The following HDAC6 variants were observed in gnomAD, a reference collection of about 807,000 sequenced individuals.
The protein encoded by HDAC6 is histone deacetylase 6.
HDAC6 carries 5 observed loss-of-function variants against 88.9 expected under a neutral mutation model. The observed-to-expected ratio is 0.06, with a 90% confidence interval of 0.03 to 0.12. HDAC6 has a LOEUF of 0.12. HDAC6 is among the 10% of genes least tolerant of loss of function. The pLI, the probability that HDAC6 is intolerant of heterozygous loss-of-function variation, is 1.00. For synonymous variants in HDAC6, 378 were observed against 398.0 expected (o/e 0.95, Z 0.60); for missense variants, 706 against 1,014.4 (o/e 0.70, Z 4.13).
intron 8 of HDAC6, among the ~76,000 whole-genome samples, chrX:48,807,322 C>T (rs1186636906): frequency 8.9e-6 from 1 of 112,014 alleles, no homozygotes; most frequent in Non-Finnish European, 1.9e-5. Flanking sequence ...TGGTTCTCCC[C>T]AGTCATTTGC....
At chrX:48,812,935 T>A (rs1339563578) in intron 10 of HDAC6, among the ~76,000 whole-genome samples, 1 of 110,525 alleles carries the variant, frequency 9.0e-6, no homozygotes, top group Non-Finnish European at 1.9e-5. Flanking sequence ...TGAGACAGAG[T>A]CATGCTCTGT....
Position 48,802,075 on chromosome X carries a change from G to T in HDAC6, c.-98G>T. ...GGGCAGGGGGTGGAGCTGGTTGAAG[G>T]AACGGGGCAGTCCCCTGAGGAGCGG... On this transcript the variant is annotated 5_prime_UTR_variant, in exon 1 of 29. Transcript: ENST00000334136. 4.4e-6 allele frequency: 4 copies of T among 904,666 alleles called. No individual in the cohort carries two copies. The highest frequency in any genetic ancestry group is 1.4e-6 in the Non-Finnish European group (1 of 723,702). 74.6% of individuals were successfully genotyped at this position (904,666 alleles called of 1,213,427 possible). A position where few individuals can be genotyped will look rare whatever the true frequency, so the allele number is the denominator to read the frequency against.
intron 4 of HDAC6, 47 bp from the exon 5 acceptor site, chrX:48,805,391 C>G: frequency 3.1e-6 from 3 of 961,472 alleles, no homozygotes; most frequent in Non-Finnish European, 4.4e-6. Flanking sequence ...AGATGTGGAG[C>G]TCCCCAGTGT....
chrX:48,817,125 G>T lies in HDAC6; in HGVS notation c.1792-201G>T, dbSNP rs781980272. 115 of 349,486 alleles carry T rather than the reference G, an allele frequency of 3.3e-4. 1 individual carries two copies. Among genetic ancestry groups the T allele is most frequent in the African/African-American group, 2.7e-3 (100 of 37,432 alleles). The allele number at this position is 349,486 out of a possible 1,213,427, so 28.8% of individuals were successfully genotyped here. A position where few individuals can be genotyped will look rare whatever the true frequency, so the allele number is the denominator to read the frequency against. On this transcript the variant is annotated intron_variant, in intron 19 of 28. Coordinates refer to ENST00000334136, the MANE Select transcript of HDAC6 (RefSeq NM_006044.4). The stretch of plus-strand genomic sequence containing the variant: ...AAATTAGCCGGGCGTGGCAGCAAGC[G>T]CCTGTAGTCCTAGCTACTCAGGAGG...
intron 20 of HDAC6, 81 bp downstream of exon 20, chrX:48,817,540 C>G: frequency 1.1e-6 from 1 of 951,557 alleles, no homozygotes; most frequent in Non-Finnish European, 1.4e-6. Context: ...TTTACTCATG[C>G]CCCATGGTCC....
chrX:48,821,491 C>CTTTTTTTT (rs869154128), intron 23 of HDAC6, among the ~76,000 whole-genome samples: 1 of 77,514 alleles, frequency 1.3e-5, no homozygotes, highest in African/African-American at 4.8e-5. Flanking sequence ...ATACCTGCCT[C>CTTTTTTTT]TTTTTTTTTT....
At chrX:48,810,622 T>TTTA (rs2062887649) in intron 10 of HDAC6, 1 of 108,362 alleles carries the variant, frequency 9.2e-6, no homozygotes, top group African/African-American at 3.4e-5. Context: ...TTATTTATTT[T>TTTA]TTTTGAGACA....
chrX:48,814,871 A>T lies in HDAC6; in HGVS notation c.1037A>T (p.Asp346Val), dbSNP rs2062957704. ...PQLVLVAAGF[D>V]ALQGDPKGEM... ...CTGGTCCTGGTGGCTGCTGGATTTG[A>T]TGCCCTGCAAGGGGACCCCAAGGTA... is the stretch of plus-strand genomic sequence containing the variant. The change falls in exon 13 of 29, where the codon GAT becomes GTT. Residue 346 changes from aspartate (D) to valine (V), a missense_variant. By Grantham distance (152) the Asp-to-Val change is radical. Coordinates refer to ENST00000334136, the MANE Select transcript of HDAC6 (RefSeq NM_006044.4). 8.3e-7 allele frequency: 1 copy of T among 1,209,805 alleles called. No homozygotes were observed. The highest frequency in any genetic ancestry group is 1.8e-5 in the South Asian group (1 of 56,804).
intron 4 of HDAC6, among the ~76,000 whole-genome samples, chrX:48,803,961 G>A (rs2062770841): frequency 8.9e-6 from 1 of 112,267 alleles, no homozygotes; most frequent in African/African-American, 3.2e-5. Context: ...TCAGGAGTTC[G>A]AGACCGGTCT....
intron 6 of HDAC6, chrX:48,806,116 A>G: frequency 2.7e-6 from 1 of 374,297 alleles, no homozygotes; most frequent in Non-Finnish European, 4.7e-6. Flanking sequence ...GAGGGAAGGG[A>G]AGAACAGACA....
At chrX:48,816,118 A>G in intron 17 of HDAC6, 23 bp from the exon 18 acceptor site, 2 of 1,210,145 alleles carry the variant, frequency 1.7e-6, no homozygotes, top group Non-Finnish European at 2.2e-6. Context: ...CTAAGCCTCT[A>G]CCTCTCGTTT....
chrX:48,805,385 G>A, intron 4 of HDAC6, 53 bp from the exon 5 acceptor site: 1 of 934,681 alleles, frequency 1.1e-6, no homozygotes, highest in Non-Finnish European at 1.5e-6. Flanking sequence ...GAGAACAGAT[G>A]TGGAGCTCCC....
chrX:48,817,477 AC>A lies in HDAC6; in HGVS notation c.1925+24del. On this transcript the variant is annotated intron_variant, in intron 20 of 28. Coordinates refer to ENST00000334136, the MANE Select transcript of HDAC6 (RefSeq NM_006044.4). ...GCCCTACGGTAAGGACTCCCTGGGG[AC>A]CCCCCAAATCCTGATCCTTGTGGGG... 1 of 1,197,771 alleles carries A rather than the reference AC, an allele frequency of 8.3e-7. No individual in the cohort carries two copies. The highest frequency in any genetic ancestry group is 1.1e-6 in the Non-Finnish European group (1 of 888,510).
chrX:48,807,079 T>A, intron 8 of HDAC6: 1 of 128,248 alleles, frequency 7.8e-6, no homozygotes. Flanking sequence ...GCATGTAAAA[T>A]CATGGTACAT....
intron 6 of HDAC6, 137 bp from the exon 7 acceptor site, chrX:48,806,231 T>G: frequency 4.3e-6 from 2 of 461,864 alleles, no homozygotes; most frequent in Non-Finnish European, 7.8e-6. Flanking sequence ...AGAAACAGAA[T>G]GTGTCTTATA....
chrX:48,812,107 T>C (rs1452292541), intron 10 of HDAC6, among the ~76,000 whole-genome samples: 8 of 113,015 alleles, frequency 7.1e-5, no homozygotes, highest in Admixed American at 1.9e-4. Flanking sequence ...AATTCTTTAA[T>C]ATCATTAATC....
Position 48,808,020 on chromosome X carries a change from T to A in HDAC6, c.633-13T>A. On this transcript the variant is annotated splice_polypyrimidine_tract_variant and intron_variant, in intron 8 of 28. Transcript: ENST00000334136. ...TCACATACTCCAAGCTGTTATTTCC[T>A]TGTCTTGCCCAGGCCTCCTGGACAT... The A allele has an allele frequency of 8.6e-7, 1 of 1,164,537 alleles. No homozygotes were observed. Among genetic ancestry groups the A allele is most frequent in the Non-Finnish European group, 1.2e-6 (1 of 858,089 alleles).
intron 19 of HDAC6, chrX:48,817,096 CA>C: frequency 3.2e-6 from 1 of 309,203 alleles, no homozygotes; most frequent in Non-Finnish European, 5.6e-6. Context: ...AAGAAACATA[CA>C]AAAAATTAGC....
At chrX:48,824,391 A>G in intron 28 of HDAC6, 97 bp downstream of exon 28, 1 of 1,101,130 alleles carries the variant, frequency 9.1e-7, no homozygotes, top group Non-Finnish European at 1.2e-6. Context: ...GCCCCTCTGC[A>G]TGGCTGCCTC....
Sources: gnomAD v4.1 joint callset for allele counts (sites outside exome capture counted in the v4.1 genomes callset) on GRCh38, gnomAD v4.1.1 for gene constraint, MANE v1.5 for transcripts, NCBI Gene and HGNC (gene_info 2026-07-23, HGNC 2026-07-21) for gene names.